The following CADPS variants were observed in gnomAD, a reference collection of about 807,000 sequenced individuals.
CADPS encodes calcium-dependent secretion activator 1.
Under a neutral mutation model 167.3 loss-of-function variants are expected in CADPS, and 57 were observed. That is an observed-to-expected ratio of 0.34 (90% CI 0.28 to 0.42). The LOEUF (loss-of-function observed/expected upper bound fraction) is 0.42. Ranked by LOEUF, CADPS falls within the 20% of genes least tolerant of loss-of-function variation. CADPS has a pLI of 1.00. For synonymous variants in CADPS, 676 were observed against 635.3 expected, an observed-to-expected ratio of 1.06 and a Z score of -0.96; for missense variants, 1,414 against 1,738.1, an observed-to-expected ratio of 0.81 and a Z score of 3.32.
At chr3:62,608,681 G>A (rs894294094) in intron 6 of CADPS, among the ~76,000 whole-genome samples, 1 of 152,082 alleles carries the variant, frequency 6.6e-6, no homozygotes, top group Non-Finnish European at 1.5e-5. Context: ...TATATATTTT[G>A]GAGTTTATAC....
rs146140482 is a variant in CADPS at position 62,804,313 on chromosome 3, G to A, written c.442-38329C>T. On this transcript the variant is annotated intron_variant, in intron 1 of 29. Coordinates refer to ENST00000383710, the MANE Select transcript of CADPS (RefSeq NM_003716.4). The stretch of plus-strand genomic sequence containing the variant: ...CTGGAGGAGATGAAACACATAGTGA[G>A]GACTCAGAGCCATCTTGAGGCCAAG... 5.3e-5 allele frequency among the ~76,000 whole-genome samples: 8 copies of A among 152,220 alleles called. No individual in the cohort carries two copies. The East Asian group carries it at 1.5e-3, about 29-fold the overall frequency.
At chr3:62,444,803 T>C (rs1446417787) in intron 27 of CADPS, among the ~76,000 whole-genome samples, 1 of 152,192 alleles carries the variant, frequency 6.6e-6, no homozygotes, top group Non-Finnish European at 1.5e-5. Context: ...ATTTAAATGT[T>C]AATACAAATC....
intron 6 of CADPS, among the ~76,000 whole-genome samples, chr3:62,613,407 C>T (rs2061778712): frequency 1.3e-5 from 2 of 152,216 alleles, no homozygotes; most frequent in African/African-American, 2.4e-5. Context: ...GAAGAAGGGT[C>T]GTCCTCATAA....
intron 6 of CADPS, among the ~76,000 whole-genome samples, chr3:62,606,026 C>A (rs1004395399): frequency 7.9e-5 from 12 of 152,048 alleles, no homozygotes; most frequent in African/African-American, 2.9e-4. Flanking sequence ...TCTCTGAGTG[C>A]CTGGAACACT....
chr3:62,410,976 G>T (rs1187868877), intron 28 of CADPS, among the ~76,000 whole-genome samples: 1 of 152,116 alleles, frequency 6.6e-6, no homozygotes, highest in Admixed American at 6.6e-5. Flanking sequence ...ATGGTGGTGT[G>T]TGCCTGTAGT....
chr3:62,758,104 C>T (rs1302340541), intron 2 of CADPS, among the ~76,000 whole-genome samples: 2 of 152,160 alleles, frequency 1.3e-5, no homozygotes, highest in Non-Finnish European at 1.5e-5. Context: ...TTCACTAGCC[C>T]CTTCCTTTGT....
intron 1 of CADPS, among the ~76,000 whole-genome samples, chr3:62,786,067 G>A (rs2092396476): frequency 6.6e-6 from 1 of 151,932 alleles, no homozygotes; most frequent in Non-Finnish European, 1.5e-5. Flanking sequence ...ACAAAAATTA[G>A]CTGGGCATGG....
chr3:62,786,867 T>A (rs529481275), intron 1 of CADPS, among the ~76,000 whole-genome samples: 1 of 152,318 alleles, frequency 6.6e-6, no homozygotes, highest in African/African-American at 2.4e-5. Flanking sequence ...AGCAGATTTT[T>A]AAAAAATCCT....
rs10547515 is a variant in CADPS at position 62,627,130 on chromosome 3, T to TTGTG, written c.1325+18588_1325+18591dup. ...TTCCATGTTACATTTTACTTTCCAG[T>TTGTG]TGTGTGTGTGTGTGTGTGTGTGTGT... On this transcript the variant is annotated intron_variant, in intron 6 of 29. Coordinates refer to ENST00000383710, the MANE Select transcript of CADPS (RefSeq NM_003716.4). Among the ~76,000 whole-genome samples, 156 of 148,448 alleles carry TTGTG rather than the reference T, an allele frequency of 1.1e-3. 1 individual carries two copies. The highest frequency in any genetic ancestry group is 3.3e-3 in the African/African-American group (135 of 40,468).
intron 1 of CADPS, among the ~76,000 whole-genome samples, chr3:62,787,051 T>C (rs1273093604): frequency 1.3e-5 from 2 of 152,170 alleles, no homozygotes; most frequent in Non-Finnish European, 2.9e-5. Flanking sequence ...CTCAACACTT[T>C]GGGAGGCTGA....
At chr3:62,694,963 G>A (rs1206118888) in intron 3 of CADPS, among the ~76,000 whole-genome samples, 1 of 152,024 alleles carries the variant, frequency 6.6e-6, no homozygotes, top group Non-Finnish European at 1.5e-5. Context: ...GGTGGAAGTG[G>A]GAAGGTCTGC....
intron 7 of CADPS, 47 bp from the exon 8 acceptor site, chr3:62,585,371 T>A: frequency 6.4e-7 from 1 of 1,574,558 alleles, no homozygotes; most frequent in African/African-American, 1.4e-5. Context: ...AGCACCATTA[T>A]GTTTTTATAG....
At chr3:62,679,248 C>T (rs917730897) in intron 3 of CADPS, among the ~76,000 whole-genome samples, 7 of 152,034 alleles carry the variant, frequency 4.6e-5, no homozygotes, top group African/African-American at 1.2e-4. Flanking sequence ...TATATTTCTA[C>T]TGCCACTATT....
chr3:62,821,248 A>T (rs2094901077), intron 1 of CADPS, among the ~76,000 whole-genome samples: 1 of 152,152 alleles, frequency 6.6e-6, no homozygotes, highest in Admixed American at 6.5e-5. Context: ...TATTATACTC[A>T]TAGTTCTGTA....
intron 3 of CADPS, among the ~76,000 whole-genome samples, chr3:62,664,485 TAC>T (rs1211864066): frequency 2.0e-5 from 3 of 152,218 alleles, no homozygotes; most frequent in Non-Finnish European, 4.4e-5. Flanking sequence ...ACGTGGGAAA[TAC>T]AGTGTCCTCA....
chr3:62,811,313 C>A (rs1576727594), intron 1 of CADPS, among the ~76,000 whole-genome samples: 1 of 152,028 alleles, frequency 6.6e-6, no homozygotes, highest in Non-Finnish European at 1.5e-5. Flanking sequence ...ATCTGTAAGC[C>A]AACATTCTCC....
chr3:62,457,039 A>AT lies in CADPS; in HGVS notation c.3636+8327dup, dbSNP rs902624077. Among the ~76,000 whole-genome samples, 460 of 150,720 alleles carry AT rather than the reference A, an allele frequency of 3.1e-3. 2 individuals carry two copies. Among genetic ancestry groups the AT allele is most frequent in the African/African-American group, 9.4e-3 (388 of 41,204 alleles). On this transcript the variant is annotated intron_variant, in intron 26 of 29. Coordinates refer to ENST00000383710, the MANE Select transcript of CADPS (RefSeq NM_003716.4). ...ACTAACTTCCAGACAGTAGAGTAAG[A>AT]TTTTTTTTTTAAACCTATCTCTACC...
intron 1 of CADPS, among the ~76,000 whole-genome samples, chr3:62,865,453 A>C (rs1360163361): frequency 6.6e-6 from 1 of 152,028 alleles, no homozygotes; most frequent in African/African-American, 2.4e-5. Context: ...GCACAGAAGT[A>C]ATTCTGAGAA....
chr3:62,761,878 G>A (rs1395614718), intron 2 of CADPS, among the ~76,000 whole-genome samples: 1 of 152,192 alleles, frequency 6.6e-6, no homozygotes, highest in Non-Finnish European at 1.5e-5. Flanking sequence ...CCTTGGCCCT[G>A]AAAGCCAGAA....
Sources: gnomAD v4.1 joint callset for allele counts (sites outside exome capture counted in the v4.1 genomes callset) on GRCh38, gnomAD v4.1.1 for gene constraint, MANE v1.5 for transcripts, NCBI Gene and HGNC (gene_info 2026-07-23, HGNC 2026-07-21) for gene names.